The following MGLL variants were observed in gnomAD, a reference collection of about 807,000 sequenced individuals.
MGLL encodes the protein monoglyceride lipase.
MGLL carries 7 observed loss-of-function variants against 29.1 expected under a neutral mutation model. That is an observed-to-expected ratio of 0.24 (90% CI 0.14 to 0.45). The LOEUF is 0.45. Ranked by LOEUF, MGLL falls within the 20% of genes least tolerant of loss-of-function variation. The pLI is 0.99. For synonymous variants in MGLL, 148 were observed against 168.3 expected, an observed-to-expected ratio of 0.88 and a Z score of 0.93; for missense variants, 356 against 413.6, an observed-to-expected ratio of 0.86 and a Z score of 1.21.
intron 3 of MGLL, among the ~76,000 whole-genome samples, chr3:127,764,537 T>G (rs973047951): frequency 3.3e-5 from 5 of 152,232 alleles, no homozygotes; most frequent in Non-Finnish European, 5.9e-5. Flanking sequence ...GAAGCTCACG[T>G]GCTCTCCTCA....
intron 3 of MGLL, among the ~76,000 whole-genome samples, chr3:127,740,083 A>G (rs1301371343): frequency 6.6e-6 from 1 of 152,250 alleles, no homozygotes; most frequent in Non-Finnish European, 1.5e-5. Context: ...ATGTGGGTCC[A>G]GCGTGGCCCA....
intron 3 of MGLL, among the ~76,000 whole-genome samples, chr3:127,723,216 T>C (rs2075966430): frequency 6.6e-6 from 1 of 152,160 alleles, no homozygotes; most frequent in Admixed American, 6.5e-5. Flanking sequence ...CTCCACTTTC[T>C]CCCTCTTTGA....
chr3:127,722,705 T>C (rs1483604607), intron 3 of MGLL, 139 bp from the exon 4 acceptor site: 18 of 1,216,068 alleles, frequency 1.5e-5, no homozygotes, highest in African/African-American at 6.0e-5. Flanking sequence ...CCAGCCACTC[T>C]TGAACGTTGG....
At chr3:127,801,429 C>T (rs1275333141) in intron 2 of MGLL, among the ~76,000 whole-genome samples, 1 of 151,668 alleles carries the variant, frequency 6.6e-6, no homozygotes, top group East Asian at 1.9e-4. Flanking sequence ...CCAGCCTGAC[C>T]AACATGGTGA....
chr3:127,746,147 G>A (rs754182675), intron 3 of MGLL, among the ~76,000 whole-genome samples: 4 of 152,108 alleles, frequency 2.6e-5, no homozygotes, highest in Non-Finnish European at 5.9e-5. Context: ...CTGTGAGAAC[G>A]CCTGGGATGG....
chr3:127,723,591 G>A (rs150329008), intron 3 of MGLL, among the ~76,000 whole-genome samples: 9 of 151,760 alleles, frequency 5.9e-5, no homozygotes, highest in Admixed American at 2.0e-4. Context: ...CAGTGGGCCC[G>A]GGAGTCCCAC....
At chr3:127,753,047 A>G (rs1576549858) in intron 3 of MGLL, among the ~76,000 whole-genome samples, 1 of 152,328 alleles carries the variant, frequency 6.6e-6, no homozygotes, top group East Asian at 1.9e-4. Flanking sequence ...TAAAAGGAAC[A>G]CCTGATTCGT....
intron 2 of MGLL, among the ~76,000 whole-genome samples, chr3:127,792,651 C>T (rs1008196591): frequency 6.6e-6 from 1 of 151,818 alleles, no homozygotes; most frequent in Non-Finnish European, 1.5e-5. Flanking sequence ...TGCGATGAGA[C>T]GAGATCGCGC....
rs372973216 is a variant in MGLL at position 127,735,724 on chromosome 3, C to T, written c.263-13158G>A. Reference sequence around the variant, plus strand: ...ACATACCTGGCAAAAGGTGGGTTTCCAGCACGTGCTCGCTCCCCGCCTTCT... The same window carrying T: ...ACATACCTGGCAAAAGGTGGGTTTCTAGCACGTGCTCGCTCCCCGCCTTCT... On this transcript the variant is annotated intron_variant, in intron 3 of 7. Transcript: ENST00000265052. 9 of 1,597,700 alleles carry T rather than the reference C, an allele frequency of 5.6e-6. No individual in the cohort carries two copies. The African/African-American group carries it at 9.3e-5, about 17-fold the overall frequency.
intron 2 of MGLL, among the ~76,000 whole-genome samples, chr3:127,807,776 T>C (rs1363955653): frequency 5.0e-5 from 6 of 121,130 alleles, no homozygotes; most frequent in Non-Finnish European, 1.0e-4. Context: ...TTTTTTTTTT[T>C]TTTGAGATGG....
chr3:127,802,936 C>A (rs1396246387), intron 2 of MGLL, among the ~76,000 whole-genome samples: 1 of 152,056 alleles, frequency 6.6e-6, no homozygotes, highest in Non-Finnish European at 1.5e-5. Flanking sequence ...CGCTTCTGTG[C>A]AAGAGCTTGG....
intron 2 of MGLL, among the ~76,000 whole-genome samples, chr3:127,788,293 C>A (rs533706780): frequency 6.6e-6 from 1 of 152,252 alleles, no homozygotes; most frequent in East Asian, 1.9e-4. Flanking sequence ...TTAACCCTCA[C>A]AGCACCCCCA....
chr3:127,711,775 G>A (rs2075719410), intron 5 of MGLL: 1 of 150,690 alleles, frequency 6.6e-6, no homozygotes, highest in South Asian at 2.1e-4. Context: ...CCAGGCTGGA[G>A]TGCAGTGGCG....
At chr3:127,732,199 G>C (rs530395861) in intron 3 of MGLL, among the ~76,000 whole-genome samples, 1 of 152,332 alleles carries the variant, frequency 6.6e-6, no homozygotes, top group Non-Finnish European at 1.5e-5. Context: ...AAAGTGAGAC[G>C]AAGCCTTTAA....
chr3:127,728,384 T>C (rs754319217), intron 3 of MGLL, among the ~76,000 whole-genome samples: 1 of 152,224 alleles, frequency 6.6e-6, no homozygotes, highest in Non-Finnish European at 1.5e-5. Flanking sequence ...AATCTATTTA[T>C]CCATCCACCC....
chr3:127,725,964 C>T (rs1391331520), intron 3 of MGLL, among the ~76,000 whole-genome samples: 1 of 151,476 alleles, frequency 6.6e-6, no homozygotes, highest in Non-Finnish European at 1.5e-5. Flanking sequence ...ACCTGTAATC[C>T]TAGCTACTTG....
intron 2 of MGLL, among the ~76,000 whole-genome samples, chr3:127,813,205 G>C (rs1485445305): frequency 6.6e-6 from 1 of 151,186 alleles, no homozygotes; most frequent in African/African-American, 2.4e-5. Context: ...CCTCCTTTTT[G>C]TTTGGGGCCC....
chr3:127,740,543 G>C (rs1428566604), intron 3 of MGLL, among the ~76,000 whole-genome samples: 1 of 152,240 alleles, frequency 6.6e-6, no homozygotes, highest in Non-Finnish European at 1.5e-5. Flanking sequence ...GAATTCAAGA[G>C]AAAGGAAGGC....
At chr3:127,728,330 CATCCATTT>C (rs1315808440) in intron 3 of MGLL, among the ~76,000 whole-genome samples, 1 of 152,142 alleles carries the variant, frequency 6.6e-6, no homozygotes, top group Non-Finnish European at 1.5e-5. Flanking sequence ...TCCATCCATC[CATCCATTT>C]ATCCATCTAG....
Sources: allele counts gnomAD v4.1 joint callset (sites outside exome capture counted in the v4.1 genomes callset), GRCh38; gene constraint gnomAD v4.1.1; transcripts MANE v1.5; gene names NCBI Gene and HGNC (gene_info 2026-07-23, HGNC 2026-07-21).